KCNH1: variants seen among roughly 807,000 people sequenced by gnomAD.
KCNH1 encodes potassium voltage-gated channel subfamily H member 1.
KCNH1 carries 27 observed loss-of-function variants against 69.2 expected under a neutral mutation model. The observed-to-expected ratio is 0.39, with a 90% CI of 0.29 to 0.54. The LOEUF (loss-of-function observed/expected upper bound fraction) is 0.54, where lower values mean the gene tolerates loss of function less well. Ranked by LOEUF, KCNH1 falls within the 20% of genes least tolerant of loss-of-function variation. KCNH1 has a pLI of 0.68. For synonymous variants in KCNH1, 456 were observed against 487.7 expected (o/e 0.93, Z 0.86); for missense variants, 798 against 1,261.6 (o/e 0.63, Z 5.57).
chr1:211,057,684 A>C lies in KCNH1; in HGVS notation c.558+25096T>G, dbSNP rs896349688. 1.3e-4 allele frequency among the ~76,000 whole-genome samples: 19 copies of C among 151,410 alleles called. 1 individual carries two copies. Among genetic ancestry groups the C allele is most frequent in the African/African-American group, 4.6e-4 (19 of 41,392 alleles). Reference sequence around the variant, plus strand: ...GAAGAAAACAGAAAACAAAGAAGACAGAGAGAGAGAGAAAGAAAGAGAGAG... The same window carrying C: ...GAAGAAAACAGAAAACAAAGAAGACCGAGAGAGAGAGAAAGAAAGAGAGAG... On this transcript the variant is annotated intron_variant, in intron 5 of 10. Coordinates refer to ENST00000271751, the MANE Select transcript of KCNH1 (RefSeq NM_172362.3).
intron 7 of KCNH1, among the ~76,000 whole-genome samples, chr1:210,852,887 C>G (rs1319327549): frequency 6.6e-6 from 1 of 152,152 alleles, no homozygotes; most frequent in Non-Finnish European, 1.5e-5. Flanking sequence ...CACAACTGTG[C>G]CATCTGTTTA....
chr1:211,000,761 T>A (rs1689160630), intron 6 of KCNH1, among the ~76,000 whole-genome samples: 1 of 152,132 alleles, frequency 6.6e-6, no homozygotes, highest in Non-Finnish European at 1.5e-5. Flanking sequence ...GACTTCAAAC[T>A]ATACTACAAG....
chr1:210,775,519 C>A lies in KCNH1; in HGVS notation c.1941G>T (p.Val647=). The A allele has an allele frequency of 6.2e-7, 1 of 1,613,926 alleles. No homozygotes were observed. The highest frequency in any genetic ancestry group is 8.5e-7 in the Non-Finnish European group (1 of 1,179,880). ...GGGCAAGGGTGGCTTCCTTCCAGAA[C>A]ACATCTCCAAACACGTCTCCTTTTC... ...ILGKGDVFGD[V]FWKEATLAQS... Residue 647 remains valine, a synonymous_variant, in exon 10 of 11, where the codon GTG becomes GTT. Coordinates refer to ENST00000271751, the MANE Select transcript of KCNH1 (RefSeq NM_172362.3).
At chr1:210,822,089 A>G (rs576693710) in intron 7 of KCNH1, among the ~76,000 whole-genome samples, 1 of 151,842 alleles carries the variant, frequency 6.6e-6, no homozygotes, top group South Asian at 2.1e-4. Flanking sequence ...GTCCAATAGG[A>G]CCTCATCCCA....
At chr1:210,811,626 A>C (rs943996442) in intron 7 of KCNH1, among the ~76,000 whole-genome samples, 1 of 152,154 alleles carries the variant, frequency 6.6e-6, no homozygotes, top group East Asian at 1.9e-4. Context: ...TCAGCCAGCC[A>C]TTACAGCAAA....
intron 9 of KCNH1, among the ~76,000 whole-genome samples, chr1:210,791,042 G>T (rs1030361417): frequency 5.3e-5 from 8 of 152,086 alleles, no homozygotes; most frequent in African/African-American, 1.9e-4. Flanking sequence ...CATTTAGAAT[G>T]CCCTACCTCA....
intron 6 of KCNH1, among the ~76,000 whole-genome samples, chr1:210,937,618 T>C (rs1223307811): frequency 6.6e-6 from 1 of 152,156 alleles, no homozygotes; most frequent in Non-Finnish European, 1.5e-5. Flanking sequence ...ATGTTACAGG[T>C]CCATGTCCAG....
chr1:211,097,585 G>C (rs1463344900), intron 3 of KCNH1, among the ~76,000 whole-genome samples: 2 of 152,160 alleles, frequency 1.3e-5, no homozygotes, highest in Admixed American at 1.3e-4. Flanking sequence ...CAGCAAATAA[G>C]CAAAATATGA....
chr1:211,065,788 A>G (rs1161280477), intron 5 of KCNH1, among the ~76,000 whole-genome samples: 1 of 152,162 alleles, frequency 6.6e-6, no homozygotes, highest in African/African-American at 2.4e-5. Flanking sequence ...GGCCAGGTAC[A>G]GTGGCTCACA....
In KCNH1 at chr1:210,698,562, A is replaced by G. The variant is rs1037554586; in HGVS notation, c.2113-14424T>C. Among the ~76,000 whole-genome samples, 23 of 152,260 alleles carry G rather than the reference A, an allele frequency of 1.5e-4. 1 individual carries two copies. On this transcript the variant is annotated intron_variant, in intron 10 of 10. Coordinates refer to ENST00000271751, the MANE Select transcript of KCNH1 (RefSeq NM_172362.3). ...AGAAAGGGCAGAGAAGAGGGCATAG[A>G]GCCATCAAAATGGCAAAGAAATGAG... is the stretch of plus-strand genomic sequence containing the variant.
chr1:211,039,362 G>A (rs1689951419), intron 5 of KCNH1, among the ~76,000 whole-genome samples: 1 of 152,188 alleles, frequency 6.6e-6, no homozygotes, highest in South Asian at 2.1e-4. Flanking sequence ...ACTCCTTCTA[G>A]GGCAATGTGG....
chr1:210,760,126 C>T (rs968694007), intron 10 of KCNH1, among the ~76,000 whole-genome samples: 2 of 152,090 alleles, frequency 1.3e-5, no homozygotes, highest in African/African-American at 2.4e-5. Flanking sequence ...AATTGTCTTC[C>T]ATAAAACTGG....
intron 1 of KCNH1, among the ~76,000 whole-genome samples, chr1:211,119,734 CA>C (rs1691653130): frequency 6.6e-6 from 1 of 152,110 alleles, no homozygotes; most frequent in Admixed American, 6.5e-5. Context: ...TCTAAATTGC[CA>C]AAGGCCTAAT....
chr1:211,056,659 T>TCAC (rs1690314849), intron 5 of KCNH1, among the ~76,000 whole-genome samples: 1 of 152,174 alleles, frequency 6.6e-6, no homozygotes, highest in South Asian at 2.1e-4. Context: ...GATGCTTGTG[T>TCAC]CACCCATCTG....
At chr1:210,817,381 T>C (rs1201953532) in intron 7 of KCNH1, among the ~76,000 whole-genome samples, 1 of 152,214 alleles carries the variant, frequency 6.6e-6, no homozygotes, top group Non-Finnish European at 1.5e-5. Flanking sequence ...CAACAACTGA[T>C]GCTTATATAG....
intron 4 of KCNH1, among the ~76,000 whole-genome samples, chr1:211,085,642 G>T (rs934027042): frequency 1.9e-4 from 29 of 151,784 alleles, no homozygotes; most frequent in African/African-American, 7.1e-4. Flanking sequence ...CACAGGAAAA[G>T]AAGAAGCAAC....
At chr1:210,832,231 G>A (rs1685176914) in intron 7 of KCNH1, among the ~76,000 whole-genome samples, 1 of 152,098 alleles carries the variant, frequency 6.6e-6, no homozygotes, top group Non-Finnish European at 1.5e-5. Context: ...TCCTGGTAAG[G>A]TCTGACCAAA....
intron 5 of KCNH1, among the ~76,000 whole-genome samples, chr1:211,051,942 A>C (rs1690213688): frequency 6.6e-6 from 1 of 151,608 alleles, no homozygotes; most frequent in Non-Finnish European, 1.5e-5. Context: ...CTCTCTTTGC[A>C]CTACGTCATC....
chr1:210,700,807 C>T (rs114762692), intron 10 of KCNH1, among the ~76,000 whole-genome samples: 1 of 152,158 alleles, frequency 6.6e-6, no homozygotes, highest in Non-Finnish European at 1.5e-5. Context: ...GTTTGCTAAC[C>T]ACTTTCTTGG....
Sources: gnomAD v4.1 joint callset for allele counts (sites outside exome capture counted in the v4.1 genomes callset) on GRCh38, gnomAD v4.1.1 for gene constraint, MANE v1.5 for transcripts, NCBI Gene and HGNC (gene_info 2026-07-23, HGNC 2026-07-21) for gene names.